Variants in KSR2 observed in about 807,000 individuals in gnomAD.
The protein encoded by KSR2 is kinase suppressor of ras 2.
KSR2 carries 25 observed loss-of-function variants against 107.8 expected under a neutral mutation model. The observed-to-expected ratio is 0.23, with a 90% CI of 0.17 to 0.32. The LOEUF (loss-of-function observed/expected upper bound fraction) is 0.32. KSR2 is among the 10% of genes least tolerant of loss of function. KSR2 has a pLI of 1.00. For missense variants in KSR2, 887 were observed against 1,268.9 expected, an observed-to-expected ratio of 0.70 and a Z score of 4.57; for synonymous variants, 480 against 507.0, an observed-to-expected ratio of 0.95 and a Z score of 0.71.
intron 1 of KSR2, among the ~76,000 whole-genome samples, chr12:117,956,078 A>G (rs895488510): frequency 1.7e-4 from 26 of 150,822 alleles, no homozygotes; most frequent in East Asian, 7.8e-4. Flanking sequence ...GTGAAACCCC[A>G]TCTCTACTAA....
chr12:117,561,947 C>A (rs933910074), intron 7 of KSR2, among the ~76,000 whole-genome samples: 3 of 152,124 alleles, frequency 2.0e-5, no homozygotes, highest in African/African-American at 7.2e-5. Context: ...TGGAGATTCA[C>A]AATGAACAAG....
intron 14 of KSR2, among the ~76,000 whole-genome samples, chr12:117,501,212 A>G (rs1873355626): frequency 6.6e-6 from 1 of 152,262 alleles, no homozygotes; most frequent in African/African-American, 2.4e-5. Flanking sequence ...GAAGACAGCC[A>G]TACTTTTTGT....
chr12:117,707,813 C>T (rs192693733), intron 4 of KSR2, among the ~76,000 whole-genome samples: 10 of 152,290 alleles, frequency 6.6e-5, no homozygotes, highest in Admixed American at 5.2e-4. Flanking sequence ...CAAGGTGTGG[C>T]TGTCTGGGAG....
At chr12:117,568,371 G>C (rs189769142) in intron 7 of KSR2, among the ~76,000 whole-genome samples, 15 of 152,304 alleles carry the variant, frequency 9.8e-5, no homozygotes, top group Admixed American at 2.6e-4. Flanking sequence ...GGTTGGAATT[G>C]AGACCAAATT....
Position 117,691,829 on chromosome 12 carries a change from C to T in KSR2, c.987-24171G>A, listed in dbSNP as rs1885827040. On this transcript the variant is annotated intron_variant, in intron 4 of 19. Coordinates refer to ENST00000339824, the MANE Select transcript of KSR2 (RefSeq NM_173598.6). Reference sequence around the variant, plus strand: ...GTGTTCATGTCTCCTGAGGGCCCTCCCCACACTGGGTACTGGGATAAACAT... The same window carrying T: ...GTGTTCATGTCTCCTGAGGGCCCTCTCCACACTGGGTACTGGGATAAACAT... Among the ~76,000 whole-genome samples the T allele has an allele frequency of 2.6e-5, 4 of 152,312 alleles. 1 individual carries two copies. In the South Asian group the frequency reaches 8.3e-4, roughly 32 times the overall value.
At chr12:117,896,081 T>C (rs1050909909) in intron 1 of KSR2, among the ~76,000 whole-genome samples, 1 of 152,178 alleles carries the variant, frequency 6.6e-6, no homozygotes, top group Non-Finnish European at 1.5e-5. Context: ...TGAATGTTCA[T>C]AGTAGCACTA....
At chr12:117,705,598 C>T (rs1886492135) in intron 4 of KSR2, among the ~76,000 whole-genome samples, 1 of 152,204 alleles carries the variant, frequency 6.6e-6, no homozygotes, top group African/African-American at 2.4e-5. Context: ...GCTGAATGTG[C>T]CTTGCACTGC....
chr12:117,567,496 T>C (rs1222280636), intron 7 of KSR2, among the ~76,000 whole-genome samples: 2 of 151,978 alleles, frequency 1.3e-5, no homozygotes, highest in Admixed American at 1.3e-4. Flanking sequence ...TGAAGGATTT[T>C]AAACAGGGAG....
chr12:117,843,541 G>A (rs1411252476), intron 3 of KSR2, among the ~76,000 whole-genome samples: 2 of 152,200 alleles, frequency 1.3e-5, no homozygotes, highest in African/African-American at 2.4e-5. Context: ...CTGGCCAAAA[G>A]TGAAGTTGTA....
intron 19 of KSR2, 26 bp downstream of exon 19, chr12:117,469,636 G>A (rs1337621071): frequency 2.5e-6 from 4 of 1,608,606 alleles, no homozygotes; most frequent in African/African-American, 1.3e-5. Context: ...AGGCAGTGGG[G>A]AGAGACATTA....
chr12:117,751,058 G>A (rs978850865), intron 4 of KSR2, among the ~76,000 whole-genome samples: 6 of 152,136 alleles, frequency 3.9e-5, no homozygotes, highest in Non-Finnish European at 7.4e-5. Context: ...CTCACATGTC[G>A]TGGGATGGAC....
chr12:117,901,788 C>T (rs895641924), intron 1 of KSR2, among the ~76,000 whole-genome samples: 1 of 152,100 alleles, frequency 6.6e-6, no homozygotes, highest in East Asian at 1.9e-4. Flanking sequence ...ATCACATATG[C>T]CGCTGGGTGG....
At chr12:117,710,002 C>G (rs1886694055) in intron 4 of KSR2, among the ~76,000 whole-genome samples, 1 of 152,194 alleles carries the variant, frequency 6.6e-6, no homozygotes, top group African/African-American at 2.4e-5. Context: ...CAAAGAGGGT[C>G]ATGGAGTGAA....
At chr12:117,661,577 G>C (rs1214267628) in intron 5 of KSR2, among the ~76,000 whole-genome samples, 2 of 152,134 alleles carry the variant, frequency 1.3e-5, no homozygotes, top group East Asian at 3.9e-4. Context: ...CAAAATGAAA[G>C]CTTTAAAAAA....
intron 4 of KSR2, among the ~76,000 whole-genome samples, chr12:117,682,218 T>C (rs2136538192): frequency 6.6e-6 from 1 of 151,560 alleles, no homozygotes; most frequent in South Asian, 2.1e-4. Context: ...AGCTGAACAA[T>C]GAGAACATGT....
At chr12:117,588,151 G>A (rs1012812283) in intron 5 of KSR2, among the ~76,000 whole-genome samples, 2 of 152,110 alleles carry the variant, frequency 1.3e-5, no homozygotes, top group African/African-American at 2.4e-5. Flanking sequence ...GTACTCATTG[G>A]CCCCACAGCC....
At chr12:117,591,863 G>C (rs548137299) in intron 5 of KSR2, among the ~76,000 whole-genome samples, 1 of 152,120 alleles carries the variant, frequency 6.6e-6, no homozygotes, top group South Asian at 2.1e-4. Flanking sequence ...ACAAAAGTTA[G>C]GAGGGTGTGG....
rs866980120 is a variant in KSR2, at chr12:117,560,154, T to A, written c.1326-1581A>T. ...TCAGACCAGCAGCATAAGCACCACC[T>A]GGGAACTTTTCTGGGGCCCCCTGGC... On this transcript the variant is annotated intron_variant, in intron 7 of 19. Coordinates refer to ENST00000339824, the MANE Select transcript of KSR2 (RefSeq NM_173598.6). Among the ~76,000 whole-genome samples, 25 of 152,274 alleles carry A rather than the reference T, an allele frequency of 1.6e-4. No homozygotes were observed. In the Middle Eastern group the frequency reaches 0.014, roughly 83 times the overall value.
chr12:117,778,097 A>G (rs1028073487), intron 3 of KSR2, among the ~76,000 whole-genome samples: 17 of 152,306 alleles, frequency 1.1e-4, no homozygotes, highest in African/African-American at 3.4e-4. Flanking sequence ...GCTTTAATAA[A>G]TATTTGTGGA....
Sources: gnomAD v4.1 joint callset for allele counts (sites outside exome capture counted in the v4.1 genomes callset) on GRCh38, gnomAD v4.1.1 for gene constraint, MANE v1.5 for transcripts, NCBI Gene and HGNC (gene_info 2026-07-23, HGNC 2026-07-21) for gene names.